The following PER1 variants were observed in gnomAD, a reference collection of about 807,000 sequenced individuals.
PER1 encodes the protein period circadian protein homolog 1.
In PER1, 87 loss-of-function variants were observed where a neutral mutation model predicts 125.9. The observed-to-expected ratio is 0.69, with a 90% CI of 0.58 to 0.83. PER1 has a LOEUF of 0.83. Ranked by LOEUF, PER1 falls within the 40% of genes least tolerant of loss-of-function variation. PER1 has a pLI of 0.00. For synonymous variants in PER1, 801 were observed against 714.7 expected (o/e 1.12, Z -1.93); for missense variants, 1,775 against 1,722.8 (o/e 1.03, Z -0.54).
chr17:8,140,934 G>A lies in PER1; in HGVS notation c.*134C>T, dbSNP rs540690949. The stretch of plus-strand genomic sequence containing the variant: ...CCCTGGATCCTAGGCTGGTGATGGG[G>A]GTCCGGCCCCCTATGGTGGGAGAAG... On this transcript the variant is annotated 3_prime_UTR_variant, in exon 23 of 23. Transcript: ENST00000317276. 8.7e-6 allele frequency: 9 copies of A among 1,032,256 alleles called. No homozygotes were observed. The South Asian group carries it at 1.4e-4, about 16-fold the overall frequency. The allele number at this position is 1,032,256 out of a possible 1,614,324, so 63.9% of individuals were successfully genotyped here.
intron 17 of PER1, among the ~76,000 whole-genome samples, chr17:8,145,380 G>A (rs910868047): frequency 2.7e-5 from 4 of 148,194 alleles, no homozygotes; most frequent in African/African-American, 1.0e-4. Flanking sequence ...CTGGAGTGCA[G>A]TGGTGCGATC....
At chr17:8,144,372 C>T (rs1212187816) in intron 18 of PER1, 1 of 419,422 alleles carries the variant, frequency 2.4e-6, no homozygotes, top group Non-Finnish European at 4.2e-6. Context: ...CTGCCTTCCA[C>T]CTGCCCTTGA....
Position 8,140,693 on chromosome 17 carries a change from T to G in PER1, c.*375A>C. On this transcript the variant is annotated 3_prime_UTR_variant, in exon 23 of 23. Transcript: ENST00000317276. ...GCTCTCCTCCCATCTGGGGAGGAGG[T>G]GGGAGAGAGAGCTGTCTCCCCGCAA... 1 of 251,990 alleles carries G rather than the reference T, an allele frequency of 4.0e-6. No homozygotes were observed. The highest frequency in any genetic ancestry group is 4.9e-5 in the Admixed American group (1 of 20,398). 15.6% of individuals were successfully genotyped at this position (251,990 alleles called of 1,614,324 possible). A position where few individuals can be genotyped will look rare whatever the true frequency, so the allele number is the denominator to read the frequency against.
At position 8,147,654 on chromosome 17, in the gene PER1, C is replaced by T. The variant is rs763486187; in HGVS notation, c.1388+20G>A. The T allele has an allele frequency of 6.8e-6, 11 of 1,613,700 alleles. No individual in the cohort carries two copies. The highest frequency in any genetic ancestry group is 6.7e-5 in the African/African-American group (5 of 74,924). On this transcript the variant is annotated intron_variant, in intron 11 of 22. Coordinates refer to ENST00000317276, the MANE Select transcript of PER1 (RefSeq NM_002616.3). ...CACTGCCCTATCCCCAACGCCAGCTCGGGGGCATGGCCCACTTACGTGCGT... is the reference window on the plus strand; with the variant it reads ...CACTGCCCTATCCCCAACGCCAGCTTGGGGGCATGGCCCACTTACGTGCGT...
At chr17:8,144,436 T>C in intron 18 of PER1, 1 of 468,382 alleles carries the variant, frequency 2.1e-6, no homozygotes, top group Non-Finnish European at 3.8e-6. Context: ...TCTTCATCAG[T>C]GACAACTGAC....
At chr17:8,145,355 A>C (rs1384678385) in intron 17 of PER1, among the ~76,000 whole-genome samples, 28 of 114,926 alleles carry the variant, frequency 2.4e-4, no homozygotes, top group African/African-American at 2.7e-4. Context: ...ATGGAGTCTC[A>C]CTCTTTCTCC....
At chr17:8,146,285 G>A (rs1201342644) in intron 16 of PER1, 87 bp downstream of exon 16, 2 of 1,536,106 alleles carry the variant, frequency 1.3e-6, no homozygotes, top group East Asian at 2.3e-5. Context: ...GCAGGGCAGA[G>A]CAAGAGGGCC....
At chr17:8,148,933 A>C in intron 7 of PER1, 147 bp from the exon 8 acceptor site, 3 of 924,114 alleles carry the variant, frequency 3.2e-6, no homozygotes, top group Non-Finnish European at 4.9e-6. Flanking sequence ...TCACGCCTTT[A>C]ATCCCAGCAC....
In PER1 at chr17:8,143,775, A is replaced by T; in HGVS notation, c.2563T>A (p.Tyr855Asn). ...GGCACGGGTGAGGGGTGTGAGACAT[A>T]GCAGGGCGCTTCAGCCCGAGGGTTC... The part of the protein sequence containing the change: ...HQNPRAEAPC[Y>N]VSHPSPVPPS... Residue 855 changes from tyrosine (Y) to asparagine (N), a missense_variant, in exon 19 of 23, where the codon TAT (tyrosine) becomes AAT (asparagine). By Grantham distance (143) the Tyr-to-Asn change is moderately radical. Transcript: ENST00000317276. 4 of 1,604,464 alleles carry T rather than the reference A, an allele frequency of 2.5e-6. No homozygotes were observed. The highest frequency in any genetic ancestry group is 3.4e-6 in the Non-Finnish European group (4 of 1,174,544).
chr17:8,144,747 C>T lies in PER1; in HGVS notation c.2461+4G>A, dbSNP rs754720079. ...GCAGGCTCCAGGAGGCCCCAGGTGG[C>T]TACCTCGCTCGCCAAGGGCTGAGGG... On this transcript the variant is annotated splice_donor_region_variant and intron_variant, in intron 18 of 22. Transcript: ENST00000317276. 6.4e-7 allele frequency: 1 copy of T among 1,561,794 alleles called. No individual in the cohort carries two copies. Among genetic ancestry groups the T allele is most frequent in the Non-Finnish European group, 8.7e-7 (1 of 1,155,636 alleles).
chr17:8,146,631 A>G lies in PER1; in HGVS notation c.1870T>C (p.Ser624Pro), dbSNP rs1318508064. 6.2e-7 allele frequency: 1 copy of G among 1,613,230 alleles called. No individual in the cohort carries two copies. Among genetic ancestry groups the G allele is most frequent in the East Asian group, 2.2e-5 (1 of 44,868 alleles). Residue 624 changes from serine to proline, a missense_variant, in exon 15 of 23, where the codon TCC (serine) becomes CCC (proline). By Grantham distance (74) the Ser-to-Pro change is moderately conservative. Coordinates refer to ENST00000317276, the MANE Select transcript of PER1 (RefSeq NM_002616.3). ...EAERKEASSC[S>P]YQQINCLDSI... is the part of the protein sequence containing the mutation. ...TCCAGGCAGTTGATCTGCTGGTAGGAGCAGCTGGAGGCTTCTTTCCTCTCG... is the reference window on the plus strand; with the variant it reads ...TCCAGGCAGTTGATCTGCTGGTAGGGGCAGCTGGAGGCTTCTTTCCTCTCG...
At chr17:8,147,204 GA>G in intron 13 of PER1, 45 bp downstream of exon 13, 1 of 1,566,910 alleles carries the variant, frequency 6.4e-7, no homozygotes. Flanking sequence ...CCAAGAAGGA[GA>G]GGGGAAAGGG....
At position 8,147,611 on chromosome 17, in the gene PER1, C is replaced by T. The variant is rs758977688; in HGVS notation, c.1389-33G>A. On this transcript the variant is annotated intron_variant, in intron 11 of 22. Coordinates refer to ENST00000317276, the MANE Select transcript of PER1 (RefSeq NM_002616.3). ...GTGAAGAGTGAATCCAGCCCTGGCCCGGTCCTGTCCCCCACCGCACTGCCC... is the reference window on the plus strand; with the variant it reads ...GTGAAGAGTGAATCCAGCCCTGGCCTGGTCCTGTCCCCCACCGCACTGCCC... The T allele has an allele frequency of 8.7e-6, 14 of 1,612,850 alleles. No homozygotes were observed. In the African/African-American group the frequency reaches 1.2e-4, roughly 14 times the overall value.
At chr17:8,144,079 G>A (rs1294685479) in intron 18 of PER1, 8 of 772,870 alleles carry the variant, frequency 1.0e-5, no homozygotes, top group Non-Finnish European at 1.6e-5. Context: ...GATTTATTGA[G>A]AAAGGAACAA....
At chr17:8,148,928 C>T (rs1462494770) in intron 7 of PER1, 142 bp from the exon 8 acceptor site, 24 of 959,940 alleles carry the variant, frequency 2.5e-5, no homozygotes, top group Non-Finnish European at 3.7e-5. Flanking sequence ...GTGGCTCACG[C>T]CTTTAATCCC....
rs866324510 is a variant in PER1 at position 8,147,722 on chromosome 17, G to C, written c.1340C>G (p.Pro447Arg). 6.2e-7 allele frequency: 1 copy of C among 1,614,010 alleles called. No homozygotes were observed. Among genetic ancestry groups the C allele is most frequent in the African/African-American group, 1.3e-5 (1 of 74,954 alleles). Residue 447 changes from proline to arginine, a missense_variant, in exon 11 of 23, where the codon CCC becomes CGC. Transcript: ENST00000317276. ...CACGAAGGCTACCTTGCGGCTCCAG[G>C]GGTGCACAAAGCCAGCCCAGCTGGT... ...MDTSWAGFVH[P>R]WSRKVAFVLG... is the part of the protein sequence containing the mutation.
In PER1 at chr17:8,149,863, G is replaced by C; in HGVS notation, c.543C>G (p.Tyr181Ter). 6.2e-7 allele frequency: 1 copy of C among 1,614,154 alleles called. No homozygotes were observed. The highest frequency in any genetic ancestry group is 8.5e-7 in the Non-Finnish European group (1 of 1,180,036). Residue 181 changes from tyrosine (Y) to a stop codon, truncating the protein, a stop_gained, in exon 5 of 23, where the codon TAC (tyrosine) becomes TAG (stop). Coordinates refer to ENST00000317276, the MANE Select transcript of PER1 (RefSeq NM_002616.3). LOFTEE classifies it high-confidence loss of function. The stretch of plus-strand genomic sequence containing the variant: ...CCTCCTCCAGGCTCCACTGCTGGTA[G>C]TATTCCTGGTTGGCTGCAGAGTGGA... ...CVKQVQANQE[Y>*]YQQWSLEEGE...
chr17:8,145,769 G>GT (rs1264591452), intron 17 of PER1, among the ~76,000 whole-genome samples, 189 bp downstream of exon 17: 4 of 152,220 alleles, frequency 2.6e-5, no homozygotes, highest in African/African-American at 9.6e-5. Context: ...ACGAGAAGCA[G>GT]AACAGGGGAA....
rs756921295 is a variant in PER1 at position 8,141,266 on chromosome 17, T to C, written c.3675A>G (p.Gly1225=). The C allele has an allele frequency of 6.8e-6, 11 of 1,614,020 alleles. No homozygotes were observed. Among genetic ancestry groups the C allele is most frequent in the Non-Finnish European group, 8.5e-6 (10 of 1,180,036 alleles). Residue 1225 remains glycine, a synonymous_variant, in exon 23 of 23, where the codon GGA becomes GGG. Coordinates refer to ENST00000317276, the MANE Select transcript of PER1 (RefSeq NM_002616.3). ...PDDPLFSELD[G]LGLEPMEEGG... ...CCTCTTCCATGGGCTCCAGCCCCAG[T>C]CCATCCAGCTCTGAGAAGAGTGGGT...
Sources: gnomAD v4.1 joint callset for allele counts (sites outside exome capture counted in the v4.1 genomes callset) on GRCh38, gnomAD v4.1.1 for gene constraint, MANE v1.5 for transcripts, NCBI Gene and HGNC (gene_info 2026-07-23, HGNC 2026-07-21) for gene names.